The following MGAT4A variants were observed in gnomAD, a reference collection of about 807,000 sequenced individuals.
MGAT4A encodes the protein N-acetylglucosaminyltransferase IVa.
MGAT4A carries 33 observed loss-of-function variants against 74.1 expected under a neutral mutation model. That is an observed-to-expected ratio of 0.45 (90% CI 0.34 to 0.60). The LOEUF (loss-of-function observed/expected upper bound fraction) is 0.60. Among genes scored for constraint, MGAT4A ranks in the 20% least tolerant of loss-of-function variants. MGAT4A has a pLI of 0.02. For missense variants in MGAT4A, 479 were observed against 628.3 expected, an observed-to-expected ratio of 0.76 and a Z score of 2.54; for synonymous variants, 198 against 210.4, an observed-to-expected ratio of 0.94 and a Z score of 0.51.
intron 2 of MGAT4A, among the ~76,000 whole-genome samples, chr2:98,703,927 C>G (rs151163728): frequency 6.6e-6 from 1 of 152,138 alleles, no homozygotes; most frequent in Non-Finnish European, 1.5e-5. Flanking sequence ...TCTAAACAGC[C>G]GTCATTCCCA....
intron 2 of MGAT4A, among the ~76,000 whole-genome samples, chr2:98,703,674 C>T (rs1226850188): frequency 6.6e-6 from 1 of 151,978 alleles, no homozygotes; most frequent in Non-Finnish European, 1.5e-5. Context: ...TGACCTGGCC[C>T]CTGCTTGCTT....
chr2:98,698,278 G>A (rs191062674), intron 2 of MGAT4A, among the ~76,000 whole-genome samples: 93 of 152,130 alleles, frequency 6.1e-4, no homozygotes, highest in Non-Finnish European at 9.7e-4. Flanking sequence ...AGCCAGGTGT[G>A]GTGATGTGCA....
At chr2:98,730,479 G>T (rs903150829) in intron 1 of MGAT4A, among the ~76,000 whole-genome samples, 2 of 152,300 alleles carry the variant, frequency 1.3e-5, no homozygotes, top group East Asian at 3.9e-4. Flanking sequence ...AATTCCCTGC[G>T]AAGGCTGCAC....
chr2:98,677,801 ATTTT>A (rs70940122), intron 3 of MGAT4A, among the ~76,000 whole-genome samples: 60 of 121,328 alleles, frequency 4.9e-4, no homozygotes, highest in African/African-American at 1.5e-3. Context: ...CAGGTAATAA[ATTTT>A]TTTTTTTTTT....
intron 1 of MGAT4A, 157 bp from the exon 2 acceptor site, chr2:98,726,724 T>C (rs1702769916): frequency 5.4e-6 from 1 of 184,724 alleles, no homozygotes; most frequent in African/African-American, 2.3e-5. Context: ...CATACTGGAA[T>C]TATATGGTCC....
chr2:98,623,424 C>A lies in MGAT4A; in HGVS notation c.*2142G>T. On this transcript the variant is annotated 3_prime_UTR_variant, in exon 16 of 16. Transcript: ENST00000393487. The stretch of plus-strand genomic sequence containing the variant: ...GAGGAACCAGGGACCCAAGAGTACT[C>A]CTAAGCCCACCTGCAGAGATTTTTA... 1.0e-6 allele frequency: 1 copy of A among 985,392 alleles called. No homozygotes were observed. Among genetic ancestry groups the A allele is most frequent in the Non-Finnish European group, 1.2e-6 (1 of 829,922 alleles). The allele number at this position is 985,392 out of a possible 1,614,324, so 61.0% of individuals were successfully genotyped here.
chr2:98,639,752 C>T, intron 12 of MGAT4A, 56 bp downstream of exon 12: 1 of 1,462,470 alleles, frequency 6.8e-7, no homozygotes, highest in Non-Finnish European at 9.3e-7. Flanking sequence ...TTATAAATCA[C>T]ATTACGAATA....
intron 2 of MGAT4A, among the ~76,000 whole-genome samples, chr2:98,711,699 C>A (rs1022623697): frequency 6.6e-6 from 1 of 152,130 alleles, no homozygotes; most frequent in South Asian, 2.1e-4. Context: ...ACGTTAGCCT[C>A]AATCATGGCT....
chr2:98,621,424 CT>C lies in MGAT4A; in HGVS notation c.*4141del. 6.4e-7 allele frequency: 1 copy of C among 1,551,568 alleles called. No homozygotes were observed. Among genetic ancestry groups the C allele is most frequent in the South Asian group, 1.2e-5 (1 of 84,050 alleles). On this transcript the variant is annotated 3_prime_UTR_variant, in exon 16 of 16. Coordinates refer to ENST00000393487, the MANE Select transcript of MGAT4A (RefSeq NM_012214.3). ...TGTGCATTCCTTCTCATGCAGCCCC[CT>C]CTACCTTAAAACAGCAATGGTGCCT... is the stretch of plus-strand genomic sequence containing the variant.
intron 14 of MGAT4A, among the ~76,000 whole-genome samples, chr2:98,633,588 C>T (rs1701274254): frequency 1.3e-5 from 2 of 152,298 alleles, no homozygotes; most frequent in South Asian, 4.1e-4. Flanking sequence ...GAATGTTCTA[C>T]ATTCAGTTGA....
At chr2:98,654,559 A>G (rs1198778382) in intron 8 of MGAT4A, among the ~76,000 whole-genome samples, 2 of 152,182 alleles carry the variant, frequency 1.3e-5, no homozygotes, top group Non-Finnish European at 2.9e-5. Flanking sequence ...CATTTACTGT[A>G]GTATCAAAAA....
chr2:98,701,523 C>A (rs780357539), intron 2 of MGAT4A, among the ~76,000 whole-genome samples: 2 of 152,202 alleles, frequency 1.3e-5, no homozygotes, highest in Non-Finnish European at 2.9e-5. Flanking sequence ...ATACCTCAAA[C>A]AGATTCCAGA....
At chr2:98,661,334 T>C (rs1467410396) in intron 5 of MGAT4A, among the ~76,000 whole-genome samples, 2 of 152,158 alleles carry the variant, frequency 1.3e-5, no homozygotes, top group East Asian at 1.9e-4. Flanking sequence ...CATACATGGA[T>C]CCACTGTATC....
intron 4 of MGAT4A, 111 bp downstream of exon 4, chr2:98,674,924 A>G: frequency 1.8e-6 from 2 of 1,113,692 alleles, no homozygotes; most frequent in Non-Finnish European, 2.6e-6. Context: ...TGCACAGATA[A>G]AGAAAGAACT....
chr2:98,702,319 A>G (rs1481074299), intron 2 of MGAT4A, among the ~76,000 whole-genome samples: 1 of 152,248 alleles, frequency 6.6e-6, no homozygotes, highest in Non-Finnish European at 1.5e-5. Context: ...GCCCAGAGGC[A>G]GGCAAGCAGC....
At chr2:98,646,509 T>C (rs1319013874) in intron 8 of MGAT4A, among the ~76,000 whole-genome samples, 1 of 151,974 alleles carries the variant, frequency 6.6e-6, no homozygotes, top group Non-Finnish European at 1.5e-5. Flanking sequence ...GAGTTCAAGA[T>C]GAGCCTAGGC....
intron 4 of MGAT4A, among the ~76,000 whole-genome samples, chr2:98,669,643 T>C (rs1157764235): frequency 6.6e-6 from 1 of 152,184 alleles, no homozygotes; most frequent in Non-Finnish European, 1.5e-5. Context: ...AACATGAAAC[T>C]TGTAATTTCA....
At position 98,621,632 on chromosome 2, in the gene MGAT4A, T is replaced by A; in HGVS notation, c.*3934A>T. The A allele has an allele frequency of 6.8e-7, 1 of 1,477,836 alleles. No individual in the cohort carries two copies. The highest frequency in any genetic ancestry group is 9.0e-7 in the Non-Finnish European group (1 of 1,111,450). 91.5% of individuals were successfully genotyped at this position (1,477,836 alleles called of 1,614,324 possible). A position where few individuals can be genotyped will look rare whatever the true frequency, so the allele number is the denominator to read the frequency against. ...CAAAGTGGGAGGATATTATACAAGG[T>A]CATTGGTGGGGGTGTCAGTAGGGGT... is the stretch of plus-strand genomic sequence containing the variant. On this transcript the variant is annotated 3_prime_UTR_variant, in exon 16 of 16. Transcript: ENST00000393487.
rs1701126481 is a variant in MGAT4A at position 98,625,179 on chromosome 2, T to C, written c.*387A>G. On this transcript the variant is annotated 3_prime_UTR_variant, in exon 16 of 16. Transcript: ENST00000393487. The stretch of plus-strand genomic sequence containing the variant: ...TATATATATAATCCCTGATAATCTA[T>C]AAAAGAGGGTCTATAATAGTAAAAT... 3.7e-6 allele frequency: 3 copies of C among 817,468 alleles called. No homozygotes were observed. The highest frequency in any genetic ancestry group is 4.4e-6 in the Non-Finnish European group (3 of 677,022). The allele number at this position is 817,468 out of a possible 1,614,324, so 50.6% of individuals were successfully genotyped here.
Sources: gnomAD v4.1 joint callset for allele counts (sites outside exome capture counted in the v4.1 genomes callset) on GRCh38, gnomAD v4.1.1 for gene constraint, MANE v1.5 for transcripts, NCBI Gene and HGNC (gene_info 2026-07-23, HGNC 2026-07-21) for gene names.